LMO7: variants seen among roughly 807,000 people sequenced by gnomAD.
The protein encoded by LMO7 is LIM domain 7.
Under a neutral mutation model 206.5 loss-of-function variants are expected in LMO7, and 120 were observed. That is an observed-to-expected ratio of 0.58 (90% confidence interval 0.50 to 0.68). The LOEUF (loss-of-function observed/expected upper bound fraction) is 0.68. Among genes scored for constraint, LMO7 ranks in the 30% least tolerant of loss-of-function variants. The probability of loss-of-function intolerance (pLI) is 0.00; values close to 1 mark genes in which losing one functional copy is unlikely to be tolerated. For synonymous variants in LMO7, 706 were observed against 681.5 expected, an observed-to-expected ratio of 1.04 and a Z score of -0.56; for missense variants, 1,959 against 1,957.9, an observed-to-expected ratio of 1.00 and a Z score of -0.01.
upstream of LMO7, among the ~76,000 whole-genome samples, chr13:75,633,639 G>A (rs550162521): frequency 3.9e-4 from 60 of 152,210 alleles, no homozygotes; most frequent in South Asian, 8.5e-3. Flanking sequence ...GGAGGAGGAG[G>A]AGTCTCTTTT....
Position 75,716,894 on chromosome 13 carries a change from CTTT to C in LMO7, c.140+3656_140+3658del, listed in dbSNP as rs35871564. On this transcript the variant is annotated intron_variant, in intron 2 of 30. Coordinates refer to ENST00000377534, the MANE Select transcript of LMO7 (RefSeq NM_001306080.2). The stretch of plus-strand genomic sequence containing the variant: ...TTGGAAATATTCAAATGAAAACACT[CTTT>C]TTTTTTTTTTTTTCTCTGATGAAGA... Among the ~76,000 whole-genome samples, 284 of 138,758 alleles carry C rather than the reference CTTT, an allele frequency of 2.0e-3. 1 individual carries two copies. The highest frequency in any genetic ancestry group is 6.4e-3 in the African/African-American group (241 of 37,628). The allele number at this position is 138,758 out of a possible 152,430, so 91.0% of individuals were successfully genotyped here. A position where few individuals can be genotyped will look rare whatever the true frequency, so the allele number is the denominator to read the frequency against.
At chr13:75,736,468 G>T (rs958648227) in intron 3 of LMO7, among the ~76,000 whole-genome samples, 3 of 152,254 alleles carry the variant, frequency 2.0e-5, no homozygotes, top group Non-Finnish European at 4.4e-5. Flanking sequence ...ATAATATACA[G>T]ATGGTCTGAC....
At chr13:75,644,160 G>GA (rs562032779) in intron 1 of LMO7, among the ~76,000 whole-genome samples, 3 of 151,854 alleles carry the variant, frequency 2.0e-5, no homozygotes, top group Non-Finnish European at 2.9e-5. Flanking sequence ...AAGAGAAGCT[G>GA]AAAAAATGAC....
intron 1 of LMO7, among the ~76,000 whole-genome samples, chr13:75,679,728 T>C (rs1246386925): frequency 6.6e-6 from 1 of 152,144 alleles, no homozygotes; most frequent in Non-Finnish European, 1.5e-5. Context: ...ACTGTAGGCA[T>C]GTGCCACCAC....
chr13:75,853,758 G>A (rs1018196513), intron 28 of LMO7, among the ~76,000 whole-genome samples: 3 of 152,164 alleles, frequency 2.0e-5, no homozygotes, highest in African/African-American at 7.2e-5. Flanking sequence ...AGTGAAATCA[G>A]TATTGTCAAA....
intron 7 of LMO7, among the ~76,000 whole-genome samples, chr13:75,803,314 G>T (rs1396709121): frequency 6.6e-6 from 1 of 152,172 alleles, no homozygotes; most frequent in East Asian, 1.9e-4. Context: ...ATTTAACTCA[G>T]GTTAACCCTG....
chr13:75,730,462 A>T (rs1036713996), intron 3 of LMO7, among the ~76,000 whole-genome samples: 13 of 152,028 alleles, frequency 8.6e-5, no homozygotes, highest in Admixed American at 7.2e-4. Flanking sequence ...TTTCTGTGGG[A>T]TCAGTGGTGA....
intron 1 of LMO7, among the ~76,000 whole-genome samples, chr13:75,645,241 G>A (rs2036905643): frequency 6.6e-6 from 1 of 152,136 alleles, no homozygotes. Flanking sequence ...TTTTTAGTTA[G>A]TGTTTTAGGC....
chr13:75,723,275 A>C (rs1160117599), intron 2 of LMO7, among the ~76,000 whole-genome samples: 3 of 152,228 alleles, frequency 2.0e-5, no homozygotes, highest in African/African-American at 7.2e-5. Context: ...AACTTTAGTT[A>C]CTAATAGAAG....
chr13:75,857,678 A>C (rs950888143), intron 30 of LMO7: 5 of 345,724 alleles, frequency 1.4e-5, no homozygotes, highest in Non-Finnish European at 1.6e-5. Context: ...AAAACAAATA[A>C]TAGAGAGTTG....
At chr13:75,836,676 T>C (rs1201154920) in intron 19 of LMO7, among the ~76,000 whole-genome samples, 1 of 152,174 alleles carries the variant, frequency 6.6e-6, no homozygotes, top group Non-Finnish European at 1.5e-5. Context: ...TTTGGCAGCA[T>C]GTTCCGGAGC....
At chr13:75,635,876 CTGGCCGGGGCTCAGG>C (rs1323994089), upstream of LMO7, 1 of 152,882 alleles carries the variant, frequency 6.5e-6, no homozygotes, top group East Asian at 1.9e-4. Context: ...GCGGGCTCAG[CTGGCCGGGGCTCAGG>C]TGAGGGCGGC....
At chr13:75,655,953 T>G (rs1594093607) in intron 1 of LMO7, among the ~76,000 whole-genome samples, 1 of 152,102 alleles carries the variant, frequency 6.6e-6, no homozygotes, top group Non-Finnish European at 1.5e-5. Context: ...TGGCAGGCAG[T>G]GAATCTGCAG....
chr13:75,733,864 A>T (rs546201613), intron 3 of LMO7, among the ~76,000 whole-genome samples: 1 of 152,022 alleles, frequency 6.6e-6, no homozygotes, highest in Non-Finnish European at 1.5e-5. Flanking sequence ...TTCTTCCACA[A>T]ATTGCATTTG....
At chr13:75,804,570 T>G in intron 8 of LMO7, 29 bp downstream of exon 8, 1 of 1,598,346 alleles carries the variant, frequency 6.3e-7, no homozygotes, top group East Asian at 2.2e-5. Flanking sequence ...TTATTGAGTT[T>G]CGTATGCTTT....
At position 75,636,564 on chromosome 13, in the gene LMO7, C is replaced by T; in HGVS notation, c.-94C>T. 2 of 1,532,924 alleles carry T rather than the reference C, an allele frequency of 1.3e-6. No individual in the cohort carries two copies. The highest frequency in any genetic ancestry group is 1.7e-6 in the Non-Finnish European group (2 of 1,145,074). 95.0% of individuals were successfully genotyped at this position (1,532,924 alleles called of 1,614,324 possible). On this transcript the variant is annotated 5_prime_UTR_variant, in exon 1 of 31. Coordinates refer to ENST00000377534, the MANE Select transcript of LMO7 (RefSeq NM_001306080.2). ...GCGGAAGCCGGAGTTGTGGGAGGCCCGCGTGCCCTCCCCGCCCGTGGGGCC... is the reference window on the plus strand; with the variant it reads ...GCGGAAGCCGGAGTTGTGGGAGGCCTGCGTGCCCTCCCCGCCCGTGGGGCC...
At chr13:75,733,048 C>A (rs1389624754) in intron 3 of LMO7, among the ~76,000 whole-genome samples, 1 of 152,182 alleles carries the variant, frequency 6.6e-6, no homozygotes, top group Non-Finnish European at 1.5e-5. Flanking sequence ...GGGGTGCCTC[C>A]CAGTTAGACT....
At chr13:75,784,557 CA>C (rs1280267030) in intron 4 of LMO7, among the ~76,000 whole-genome samples, 1 of 152,070 alleles carries the variant, frequency 6.6e-6, no homozygotes, top group East Asian at 1.9e-4. Flanking sequence ...TTATTTTGAC[CA>C]GGGTTCATAT....
chr13:75,746,442 C>G (rs1445736574), intron 3 of LMO7, among the ~76,000 whole-genome samples: 2 of 152,140 alleles, frequency 1.3e-5, no homozygotes, highest in Non-Finnish European at 2.9e-5. Context: ...CGGGCGTGTC[C>G]CCATGGAGAG....
Sources: allele counts gnomAD v4.1 joint callset (sites outside exome capture counted in the v4.1 genomes callset), GRCh38; gene constraint gnomAD v4.1.1; transcripts MANE v1.5; gene names NCBI Gene and HGNC (gene_info 2026-07-23, HGNC 2026-07-21).